The following NCLN variants were observed in gnomAD, a reference collection of about 807,000 sequenced individuals.
NCLN encodes the protein nicalin.
In NCLN, 34 loss-of-function variants were observed where a neutral mutation model predicts 69.5. That is an observed-to-expected ratio of 0.49 (90% confidence interval 0.37 to 0.65). The LOEUF (loss-of-function observed/expected upper bound fraction) is 0.65, where lower values mean the gene tolerates loss of function less well. NCLN is among the 30% of genes least tolerant of loss of function. NCLN has a pLI of 0.00. For synonymous variants in NCLN, 393 were observed against 358.3 expected, an observed-to-expected ratio of 1.10 and a Z score of -1.09; for missense variants, 710 against 804.8, an observed-to-expected ratio of 0.88 and a Z score of 1.42.
chr19:3,188,792 A>G (rs1171235958), intron 1 of NCLN, among the ~76,000 whole-genome samples: 4 of 152,090 alleles, frequency 2.6e-5, no homozygotes, highest in Non-Finnish European at 4.4e-5. Flanking sequence ...CTCAGCCTCC[A>G]TGCTCCTCAT....
chr19:3,204,412 C>T (rs543333310), intron 8 of NCLN, among the ~76,000 whole-genome samples, 161 bp from the exon 9 acceptor site: 2 of 152,212 alleles, frequency 1.3e-5, no homozygotes, highest in East Asian at 3.9e-4. Flanking sequence ...GCTCATTGCC[C>T]GCCGGGGCTC....
In NCLN at chr19:3,204,580, C is replaced by T. The variant is rs781294562; in HGVS notation, c.1037C>T (p.Ala346Val). 1.0e-5 allele frequency: 16 copies of T among 1,539,524 alleles called. No homozygotes were observed. Among genetic ancestry groups the T allele is most frequent in the African/African-American group, 7.0e-5 (5 of 71,776 alleles). The change falls in exon 9 of 15, where the codon GCG becomes GTG. Residue 346 changes from alanine to valine, a missense_variant. Physicochemically the swap from Ala to Val is moderately conservative, Grantham distance 64. Coordinates refer to ENST00000246117, the MANE Select transcript of NCLN (RefSeq NM_020170.4). ...TGGCGCCTCCGGCTGCAGGTGGCCGCGCACCAGTTCCCTGAGGTACGGTTC... is the reference window on the plus strand; with the variant it reads ...TGGCGCCTCCGGCTGCAGGTGGCCGTGCACCAGTTCCCTGAGGTACGGTTC... ...AFLRELETVAAHQFPEVRFSM... is the reference protein window; with the variant it reads ...AFLRELETVAVHQFPEVRFSM...
At position 3,195,464 on chromosome 19, in the gene NCLN, G is replaced by T. The variant is rs143851107; in HGVS notation, c.521-719G>T. Among the ~76,000 whole-genome samples the T allele has an allele frequency of 4.2e-3, 639 of 152,106 alleles. 10 individuals are homozygous for T. Among genetic ancestry groups the T allele is most frequent in the East Asian group, 0.04 (204 of 5,120 alleles). On this transcript the variant is annotated intron_variant, in intron 3 of 14. Transcript: ENST00000246117. ...CGGGGTTTCACCGTGTTAGCCAGGA[G>T]GGTCTCGATCTCCTGACGTCGTGAT...
chr19:3,199,841 C>T (rs1916078219), intron 5 of NCLN, among the ~76,000 whole-genome samples: 1 of 151,918 alleles, frequency 6.6e-6, no homozygotes, highest in Non-Finnish European at 1.5e-5. Flanking sequence ...GCTGGGACCA[C>T]AGGCACCCGC....
chr19:3,206,416 C>T lies in NCLN; in HGVS notation c.1490C>T (p.Ala497Val). The T allele has an allele frequency of 1.3e-6, 2 of 1,546,968 alleles. No homozygotes were observed. The highest frequency in any genetic ancestry group is 1.7e-6 in the Non-Finnish European group (2 of 1,146,438). Residue 497 changes from alanine to valine, a missense_variant, in exon 12 of 15, where the codon GCT becomes GTT. Transcript: ENST00000246117. The part of the protein sequence containing the change: ...LKDVKQHHVK[A>V]DKRDPEFVFY... ...GACGTGAAGCAGCACCACGTCAAGG[C>T]TGACAAGCGGTGAGGCTGGGGCTCC...
At position 3,196,288 on chromosome 19, in the gene NCLN, C is replaced by T. The variant is rs1419996850; in HGVS notation, c.615+11C>T. ...ATTGCCAGCGTGGAGGTGAGTGCCG[C>T]CTGCCCCGGAGCCAGCCCCACGTCC... On this transcript the variant is annotated intron_variant, in intron 4 of 14. Coordinates refer to ENST00000246117, the MANE Select transcript of NCLN (RefSeq NM_020170.4). 6.5e-7 allele frequency: 1 copy of T among 1,534,260 alleles called. No homozygotes were observed. Among genetic ancestry groups the T allele is most frequent in the Non-Finnish European group, 8.8e-7 (1 of 1,133,622 alleles).
rs1281254540 is a variant in NCLN at position 3,196,382 on chromosome 19, CTG to C, written c.615+106_615+107del. On this transcript the variant is annotated intron_variant, in intron 4 of 14. Transcript: ENST00000246117. Reference sequence around the variant, plus strand: ...CTAGAGGGGAGCCGCTGATGGGAAACTGGAGTCGGATCGCCCCCCTGCCTGGC... The same window carrying C: ...CTAGAGGGGAGCCGCTGATGGGAAACGAGTCGGATCGCCCCCCTGCCTGGC... 23 of 821,296 alleles carry C rather than the reference CTG, an allele frequency of 2.8e-5. No individual in the cohort carries two copies. The Middle Eastern group carries it at 7.5e-4, about 27-fold the overall frequency. 50.9% of individuals were successfully genotyped at this position (821,296 alleles called of 1,614,324 possible). A position where few individuals can be genotyped will look rare whatever the true frequency, so the allele number is the denominator to read the frequency against.
rs761948267 is a variant in NCLN at position 3,204,155 on chromosome 19, C to T, written c.1029+11C>T. On this transcript the variant is annotated intron_variant, in intron 8 of 14. Transcript: ENST00000246117. ...CGGGAGCTGGAGACGGTGGGTGCCC[C>T]TTTCATGGATGGGTCCGGAGCTCTG... 78 of 1,506,024 alleles carry T rather than the reference C, an allele frequency of 5.2e-5. No homozygotes were observed. Among genetic ancestry groups the T allele is most frequent in the Non-Finnish European group, 6.6e-5 (75 of 1,131,120 alleles). The allele number at this position is 1,506,024 out of a possible 1,614,324, so 93.3% of individuals were successfully genotyped here.
intron 1 of NCLN, among the ~76,000 whole-genome samples, chr19:3,191,534 G>A (rs1166480838): frequency 3.3e-5 from 5 of 152,174 alleles, no homozygotes; most frequent in East Asian, 1.9e-4. Context: ...AGGCGAGCCC[G>A]AGGGGCGCTC....
At chr19:3,189,560 A>G (rs924813742) in intron 1 of NCLN, among the ~76,000 whole-genome samples, 7 of 152,356 alleles carry the variant, frequency 4.6e-5, no homozygotes, top group Middle Eastern at 6.8e-3. Context: ...GCCACTGTTC[A>G]GGTCCAGTCC....
Position 3,185,992 on chromosome 19 carries a change from T to C in NCLN, c.-39T>C. 6.9e-7 allele frequency: 1 copy of C among 1,459,324 alleles called. No homozygotes were observed. Among genetic ancestry groups the C allele is most frequent in the Non-Finnish European group, 9.1e-7 (1 of 1,104,172 alleles). 90.4% of individuals were successfully genotyped at this position (1,459,324 alleles called of 1,614,324 possible). A position where few individuals can be genotyped will look rare whatever the true frequency, so the allele number is the denominator to read the frequency against. On this transcript the variant is annotated 5_prime_UTR_variant, in exon 1 of 15. Coordinates refer to ENST00000246117, the MANE Select transcript of NCLN (RefSeq NM_020170.4). ...GGGAGCCGCCGCCGCCGCCGTCCCG[T>C]CCCAGCTGCCGCCCCGCGCGGCCCC...
intron 1 of NCLN, 60 bp from the exon 2 acceptor site, chr19:3,192,409 TG>T (rs1915848569): frequency 2.8e-6 from 4 of 1,406,890 alleles, no homozygotes; most frequent in Non-Finnish European, 3.8e-6. Context: ...GGCCTGGATC[TG>T]TCCCCTCCCG....
rs754509211 is a variant in NCLN, at chr19:3,192,513, G to A, written c.228G>A (p.Ala76=). 9.3e-6 allele frequency: 15 copies of A among 1,607,962 alleles called. No individual in the cohort carries two copies. The Admixed American group carries it at 1.0e-4, about 11-fold the overall frequency. Residue 76 remains alanine (A), a synonymous_variant, in exon 2 of 15, where the codon GCG becomes GCA. Coordinates refer to ENST00000246117, the MANE Select transcript of NCLN (RefSeq NM_020170.4). ...AVLNTEARTM[A]AEVLSRRCVL... ...TGAACACGGAGGCGCGCACGATGGC[G>A]GCGGAGGTGCTGAGCCGCCGCTGCG... is the stretch of plus-strand genomic sequence containing the variant.
chr19:3,195,545 G>A (rs1479717320), intron 3 of NCLN, among the ~76,000 whole-genome samples: 8 of 152,038 alleles, frequency 5.3e-5, no homozygotes, highest in Non-Finnish European at 1.2e-4. Flanking sequence ...CACCGCGCCC[G>A]GCCGATCATA....
At position 3,192,477 on chromosome 19, in the gene NCLN, G is replaced by T. The variant is rs760098276; in HGVS notation, c.192G>T (p.Arg64=). 51 of 1,595,170 alleles carry T rather than the reference G, an allele frequency of 3.2e-5. No homozygotes were observed. In the African/African-American group the frequency reaches 6.5e-4, roughly 20 times the overall value. ...CCGCCCCTGTGCCCACAGGCACACG[G>T]AATGCAGTGCTGAACACGGAGGCGC... The part of the protein sequence containing the change: ...YDLQGQPYGT[R]NAVLNTEART... The change falls in exon 2 of 15, where the codon CGG becomes CGT. Residue 64 remains arginine (R), a synonymous_variant. Coordinates refer to ENST00000246117, the MANE Select transcript of NCLN (RefSeq NM_020170.4).
intron 1 of NCLN, among the ~76,000 whole-genome samples, chr19:3,190,510 A>G (rs563126485): frequency 7.9e-5 from 12 of 152,328 alleles, no homozygotes; most frequent in African/African-American, 2.9e-4. Flanking sequence ...ATTGCTGGAC[A>G]CAGAGCTGGG....
At chr19:3,194,414 G>T (rs184262629) in intron 3 of NCLN, among the ~76,000 whole-genome samples, 1 of 152,284 alleles carries the variant, frequency 6.6e-6, no homozygotes, top group East Asian at 1.9e-4. Flanking sequence ...TACACAGCCA[G>T]ATCAGTGGAA....
rs868008895 is a variant in NCLN, at chr19:3,198,523, A to C, written c.616-294A>C. ...TTCCGTCTCAAAAAAAAAAAAAAAAACACAAACAAAAAAAAAAAACTTATT... is the reference window on the plus strand; with the variant it reads ...TTCCGTCTCAAAAAAAAAAAAAAAACCACAAACAAAAAAAAAAAACTTATT... On this transcript the variant is annotated intron_variant, in intron 4 of 14. Transcript: ENST00000246117. 8.0e-5 allele frequency among the ~76,000 whole-genome samples: 12 copies of C among 149,378 alleles called. No homozygotes were observed. The South Asian group carries it at 8.4e-4, about 10-fold the overall frequency.
Position 3,206,316 on chromosome 19 carries a change from C to A in NCLN, c.1390C>A (p.Arg464=). Residue 464 remains arginine (R), a synonymous_variant, in exon 12 of 15, where the codon CGG becomes AGG. Coordinates refer to ENST00000246117, the MANE Select transcript of NCLN (RefSeq NM_020170.4). The part of the protein sequence containing the change: ...SVMDWLTNQP[R]AAQLVDKDST... ...GATGGACTGGCTCACCAACCAGCCG[C>A]GGGCCGCGCAGCTGGTGGACAAGGA... is the stretch of plus-strand genomic sequence containing the variant. The A allele has an allele frequency of 6.5e-7, 1 of 1,548,276 alleles. No homozygotes were observed. Among genetic ancestry groups the A allele is most frequent in the African/African-American group, 1.4e-5 (1 of 73,122 alleles).
Sources: allele counts gnomAD v4.1 joint callset (sites outside exome capture counted in the v4.1 genomes callset), GRCh38; gene constraint gnomAD v4.1.1; transcripts MANE v1.5; gene names NCBI Gene and HGNC (gene_info 2026-07-23, HGNC 2026-07-21).